NKAIN2: variants seen among roughly 807,000 people sequenced by gnomAD.
NKAIN2 encodes the protein sodium/potassium transporting ATPase interacting 2, also known as sodium/potassium-transporting ATPase subunit beta-1-interacting protein 2.
Under a neutral mutation model 32.6 loss-of-function variants are expected in NKAIN2, and 14 were observed. That is an observed-to-expected ratio of 0.43 (90% CI 0.28 to 0.67). The LOEUF is 0.67. Among genes scored for constraint, NKAIN2 ranks in the 30% least tolerant of loss-of-function variants. NKAIN2 has a pLI of 0.17. For synonymous variants in NKAIN2, 80 were observed against 87.2 expected (o/e 0.92, Z 0.46); for missense variants, 198 against 258.3 (o/e 0.77, Z 1.60).
intron 1 of NKAIN2, among the ~76,000 whole-genome samples, chr6:123,959,035 C>T (rs1414574246): frequency 2.6e-5 from 4 of 152,082 alleles, no homozygotes; most frequent in African/African-American, 9.7e-5. Flanking sequence ...TTCAAGTTAT[C>T]AGTGTGAGTA....
chr6:123,868,551 A>G (rs1772699417), intron 1 of NKAIN2, among the ~76,000 whole-genome samples: 1 of 152,192 alleles, frequency 6.6e-6, no homozygotes, highest in Admixed American at 6.5e-5. Context: ...GTTTCTCAGT[A>G]ATACATGAAT....
At chr6:124,537,165 C>T (rs1246396946) in intron 3 of NKAIN2, among the ~76,000 whole-genome samples, 1 of 152,162 alleles carries the variant, frequency 6.6e-6, no homozygotes, top group Non-Finnish European at 1.5e-5. Flanking sequence ...GAGCTCACAG[C>T]TGCTTCACTC....
At chr6:124,403,990 C>T (rs143850008) in intron 3 of NKAIN2, among the ~76,000 whole-genome samples, 1 of 152,200 alleles carries the variant, frequency 6.6e-6, no homozygotes, top group African/African-American at 2.4e-5. Context: ...CTATCTAAAG[C>T]ACCTATGTGT....
intron 3 of NKAIN2, among the ~76,000 whole-genome samples, chr6:124,649,254 G>A (rs1784281254): frequency 6.6e-6 from 1 of 151,966 alleles, no homozygotes; most frequent in Non-Finnish European, 1.5e-5. Context: ...AAAGAGGGAA[G>A]TTAAGAATTA....
At chr6:124,285,017 G>A (rs755775071) in intron 2 of NKAIN2, among the ~76,000 whole-genome samples, 2 of 152,136 alleles carry the variant, frequency 1.3e-5, no homozygotes, top group Non-Finnish European at 2.9e-5. Flanking sequence ...CATGGGATAA[G>A]AGTTATGATG....
At chr6:124,082,088 C>G (rs75882411) in intron 1 of NKAIN2, among the ~76,000 whole-genome samples, 4,435 of 151,938 alleles carry the variant, frequency 0.029, 201 homozygotes, top group African/African-American at 0.098. Flanking sequence ...GTAAATAACC[C>G]AAGCCTAGAA....
intron 1 of NKAIN2, among the ~76,000 whole-genome samples, chr6:124,280,646 A>G (rs1795246255): frequency 1.3e-5 from 2 of 152,160 alleles, no homozygotes; most frequent in Non-Finnish European, 2.9e-5. Flanking sequence ...GTGTTCTAAC[A>G]AATATGTGCT....
intron 1 of NKAIN2, among the ~76,000 whole-genome samples, chr6:124,266,696 G>A (rs1158151462): frequency 6.6e-6 from 1 of 152,182 alleles, no homozygotes; most frequent in East Asian, 1.9e-4. Context: ...CATTCATACA[G>A]ACCTACATTA....
chr6:124,602,365 C>G (rs1782340755), intron 3 of NKAIN2, among the ~76,000 whole-genome samples: 1 of 151,906 alleles, frequency 6.6e-6, no homozygotes, highest in South Asian at 2.1e-4. Context: ...TATTCGGGTT[C>G]ATTTATCCAG....
rs577171040 is a variant in NKAIN2, at chr6:124,598,671, A to G, written c.274-59515A>G. Reference sequence around the variant, plus strand: ...AGCCCAATAGAGAAGTACAGTGAAGATTTTGAAAAAAAAAAAAAAATTATA... The same window carrying G: ...AGCCCAATAGAGAAGTACAGTGAAGGTTTTGAAAAAAAAAAAAAAATTATA... On this transcript the variant is annotated intron_variant, in intron 3 of 6. Transcript: ENST00000368417. Among the ~76,000 whole-genome samples the G allele has an allele frequency of 3.8e-5, 3 of 79,538 alleles. No individual in the cohort carries two copies. In the South Asian group the frequency reaches 1.2e-3, roughly 31 times the overall value. The allele number at this position is 79,538 out of a possible 152,430, so 52.2% of individuals were successfully genotyped here.
At chr6:123,928,069 A>C (rs1316062506) in intron 1 of NKAIN2, among the ~76,000 whole-genome samples, 1 of 152,194 alleles carries the variant, frequency 6.6e-6, no homozygotes, top group Non-Finnish European at 1.5e-5. Context: ...ATGCAGCCAC[A>C]AAAAAGCACA....
intron 3 of NKAIN2, among the ~76,000 whole-genome samples, chr6:124,609,269 T>C (rs1203586610): frequency 6.6e-6 from 1 of 152,138 alleles, no homozygotes; most frequent in East Asian, 1.9e-4. Flanking sequence ...TACAGCCTTA[T>C]TTGAAAAGTA....
chr6:124,444,869 T>C (rs888164570), intron 3 of NKAIN2, among the ~76,000 whole-genome samples: 2 of 151,998 alleles, frequency 1.3e-5, no homozygotes, highest in African/African-American at 4.8e-5. Context: ...GGAATGAATC[T>C]CATGAATGCT....
chr6:124,322,560 C>A (rs1033177653), intron 2 of NKAIN2, among the ~76,000 whole-genome samples: 1 of 152,150 alleles, frequency 6.6e-6, no homozygotes, highest in Non-Finnish European at 1.5e-5. Context: ...ATCCTTTAAA[C>A]TCTAGCAATC....
intron 1 of NKAIN2, among the ~76,000 whole-genome samples, chr6:124,001,932 A>G (rs1779893158): frequency 6.6e-6 from 1 of 151,544 alleles, no homozygotes; most frequent in South Asian, 2.1e-4. Context: ...TCCACATTGA[A>G]TCATAATCAT....
At chr6:124,376,826 T>C (rs1345712061) in intron 3 of NKAIN2, among the ~76,000 whole-genome samples, 1 of 152,182 alleles carries the variant, frequency 6.6e-6, no homozygotes, top group East Asian at 1.9e-4. Context: ...ATCCATGCCA[T>C]TTATGATGTT....
chr6:123,980,394 G>A (rs937410642), intron 1 of NKAIN2, among the ~76,000 whole-genome samples: 3 of 152,172 alleles, frequency 2.0e-5, no homozygotes, highest in African/African-American at 7.2e-5. Flanking sequence ...GAAGTGGCTT[G>A]ACTCAGCCCA....
chr6:124,128,660 C>G (rs1368954387), intron 1 of NKAIN2, among the ~76,000 whole-genome samples: 1 of 152,198 alleles, frequency 6.6e-6, no homozygotes, highest in African/African-American at 2.4e-5. Context: ...AGTATATTTA[C>G]AGAGCTTACA....
At chr6:123,898,778 A>G (rs1404469663) in intron 1 of NKAIN2, among the ~76,000 whole-genome samples, 3 of 151,956 alleles carry the variant, frequency 2.0e-5, no homozygotes, top group African/African-American at 7.3e-5. Flanking sequence ...TATTAGCTGG[A>G]CCCCAGTCCT....
Sources: gnomAD v4.1 joint callset for allele counts (sites outside exome capture counted in the v4.1 genomes callset) on GRCh38, gnomAD v4.1.1 for gene constraint, MANE v1.5 for transcripts, NCBI Gene and HGNC (gene_info 2026-07-23, HGNC 2026-07-21) for gene names.